The following EPM2A variants were observed in gnomAD, a reference collection of about 807,000 sequenced individuals.
The protein encoded by EPM2A is EPM2A glucan phosphatase, laforin, also known as laforin.
In EPM2A, 21 loss-of-function variants were observed where a neutral mutation model predicts 26.5. That is an observed-to-expected ratio of 0.79 (90% CI 0.56 to 1.14). The LOEUF is 1.14. EPM2A is among the 50% of genes most tolerant of loss of function. The pLI is 0.00. For synonymous variants in EPM2A, 217 were observed against 177.6 expected (o/e 1.22, Z -1.76); for missense variants, 458 against 440.8 (o/e 1.04, Z -0.35).
intron 2 of EPM2A, among the ~76,000 whole-genome samples, chr6:145,575,252 T>C (rs1394896110): frequency 6.6e-6 from 1 of 152,094 alleles, no homozygotes; most frequent in Non-Finnish European, 1.5e-5. Context: ...AAAAGGTAAA[T>C]CAGAGTTTAC....
At chr6:145,664,635 A>T (rs1318523144) in intron 2 of EPM2A, among the ~76,000 whole-genome samples, 1 of 152,118 alleles carries the variant, frequency 6.6e-6, no homozygotes, top group East Asian at 1.9e-4. Flanking sequence ...ATACCCAGGA[A>T]TTGAACTCAG....
At chr6:145,410,351 G>A (rs1290506149) in intron 4 of EPM2A, among the ~76,000 whole-genome samples, 1 of 152,130 alleles carries the variant, frequency 6.6e-6, no homozygotes, top group Admixed American at 6.6e-5. Flanking sequence ...TTACTGAGAA[G>A]AATAATCCTA....
chr6:145,453,319 G>T (rs1031073904), intron 4 of EPM2A, among the ~76,000 whole-genome samples: 1 of 152,020 alleles, frequency 6.6e-6, no homozygotes, highest in Admixed American at 6.6e-5. Context: ...GAGGTGGGGG[G>T]AAAAAAGATT....
intron 4 of EPM2A, among the ~76,000 whole-genome samples, chr6:145,441,701 A>T (rs527335689): frequency 6.6e-6 from 1 of 151,900 alleles, no homozygotes; most frequent in South Asian, 2.1e-4. Context: ...GTCTCTACTA[A>T]AAATGCAAAA....
intron 2 of EPM2A, among the ~76,000 whole-genome samples, chr6:145,583,890 A>C (rs1386396902): frequency 6.6e-6 from 1 of 152,220 alleles, no homozygotes; most frequent in Non-Finnish European, 1.5e-5. Flanking sequence ...ATCCATGCAC[A>C]TACTTGCCCT....
At chr6:145,500,281 GA>G (rs570544482), downstream of EPM2A, among the ~76,000 whole-genome samples, 96 of 152,308 alleles carry the variant, frequency 6.3e-4, no homozygotes, top group African/African-American at 2.3e-3. Flanking sequence ...ACAGAGTCTT[GA>G]TTCCAGAACA....
intron 1 of EPM2A, among the ~76,000 whole-genome samples, chr6:145,688,706 C>G (rs567459093): frequency 6.6e-6 from 1 of 152,064 alleles, no homozygotes; most frequent in South Asian, 2.1e-4. Flanking sequence ...AGTTCTAGAA[C>G]AAAGTCTGAA....
chr6:145,519,342 A>G (rs145114729), intron 2 of EPM2A, among the ~76,000 whole-genome samples: 84 of 152,250 alleles, frequency 5.5e-4, no homozygotes, highest in African/African-American at 2.0e-3. Flanking sequence ...AAGGCATGAG[A>G]GAGTGAGGAG....
At chr6:145,650,608 C>T (rs776439853) in intron 2 of EPM2A, among the ~76,000 whole-genome samples, 5 of 151,774 alleles carry the variant, frequency 3.3e-5, no homozygotes, top group Admixed American at 6.6e-5. Context: ...AAGTACAATC[C>T]TAGGAAATTG....
At chr6:145,490,765 T>C (rs1339084658) in intron 4 of EPM2A, 15 of 561,332 alleles carry the variant, frequency 2.7e-5, no homozygotes, top group Non-Finnish European at 3.5e-6. Context: ...TTGTCACATG[T>C]GACAACTGAC....
intron 4 of EPM2A, among the ~76,000 whole-genome samples, chr6:145,447,507 C>T (rs1248505178): frequency 6.6e-6 from 1 of 151,954 alleles, no homozygotes. Context: ...CTATCTCTGT[C>T]TTATTTACAG....
rs137852916 is a variant in EPM2A at position 145,635,451 on chromosome 6, C to T, written c.512G>A (p.Arg171His). The change falls in exon 3 of 4, where the codon CGT becomes CAT. Residue 171 changes from arginine (R) to histidine (H), a missense_variant. Coordinates refer to ENST00000367519, the MANE Select transcript of EPM2A (RefSeq NM_005670.4). ...TTTGATGGTTACATGTTCCACCTGA[C>T]GAGGGCAGCTACCCAGCCAGATATT... ...LPNIWLGSCP[R>H]QVEHVTIKLK... The T allele has an allele frequency of 1.4e-5, 23 of 1,613,816 alleles. No homozygotes were observed. Among genetic ancestry groups the T allele is most frequent in the East Asian group, 2.2e-5 (1 of 44,892 alleles).
chr6:145,520,863 C>T (rs1314677224), intron 2 of EPM2A, among the ~76,000 whole-genome samples: 1 of 152,084 alleles, frequency 6.6e-6, no homozygotes, highest in Admixed American at 6.5e-5. Flanking sequence ...TAATCAAAGA[C>T]TTAAAAGACA....
intron 2 of EPM2A, among the ~76,000 whole-genome samples, chr6:145,503,306 CCT>C (rs1333987489): frequency 1.3e-5 from 2 of 149,444 alleles, no homozygotes; most frequent in Non-Finnish European, 3.0e-5. Context: ...TCAAATTGTC[CCT>C]GTTTGCAGAC....
At chr6:145,590,951 T>G (rs1175253233) in intron 2 of EPM2A, among the ~76,000 whole-genome samples, 2 of 152,190 alleles carry the variant, frequency 1.3e-5, no homozygotes, top group Non-Finnish European at 2.9e-5. Flanking sequence ...TTTAAATATT[T>G]ATGATTAAAA....
intron 2 of EPM2A, chr6:145,638,207 A>C (rs1297900454): frequency 6.6e-6 from 1 of 152,186 alleles, no homozygotes; most frequent in Non-Finnish European, 1.5e-5. Flanking sequence ...CTAGTCGGTA[A>C]ATGCCAAAAT....
intron 1 of EPM2A, among the ~76,000 whole-genome samples, chr6:145,697,473 G>C (rs1781663890): frequency 6.6e-6 from 1 of 152,190 alleles, no homozygotes; most frequent in African/African-American, 2.4e-5. Flanking sequence ...TTAGGAGACA[G>C]GGTTTGAGAG....
intron 2 of EPM2A, among the ~76,000 whole-genome samples, chr6:145,519,913 G>T (rs1389806733): frequency 6.6e-6 from 1 of 152,126 alleles, no homozygotes; most frequent in African/African-American, 2.4e-5. Context: ...AAATTGCAGA[G>T]GAGGATCACA....
chr6:145,691,457 C>T (rs1032799096), intron 1 of EPM2A, among the ~76,000 whole-genome samples: 7 of 151,840 alleles, frequency 4.6e-5, no homozygotes, highest in Admixed American at 2.6e-4. Context: ...AAAATTTTGC[C>T]GCTGAATTAT....
Sources: allele counts gnomAD v4.1 joint callset (sites outside exome capture counted in the v4.1 genomes callset), GRCh38; gene constraint gnomAD v4.1.1; transcripts MANE v1.5; gene names NCBI Gene and HGNC (gene_info 2026-07-23, HGNC 2026-07-21).